The following RNASEH2B variants were observed in gnomAD, a reference collection of about 807,000 sequenced individuals.
RNASEH2B encodes the protein Aicardi-Goutieres syndrome 2 protein.
A neutral mutation model predicts 45.0 loss-of-function variants in RNASEH2B; 36 were observed. The ratio of observed to expected loss-of-function variants is 0.80; its 90% CI spans 0.61 to 1.06. The LOEUF is 1.06. Ranked by LOEUF, RNASEH2B falls within the 50% of genes least tolerant of loss-of-function variation. RNASEH2B has a pLI of 0.00. For missense variants in RNASEH2B, 361 were observed against 360.3 expected, an observed-to-expected ratio of 1.00 and a Z score of -0.02; for synonymous variants, 119 against 125.7, an observed-to-expected ratio of 0.95 and a Z score of 0.35.
At chr13:50,953,185 A>T (rs1951998311) in intron 9 of RNASEH2B, 1 of 152,214 alleles carries the variant, frequency 6.6e-6, no homozygotes, top group South Asian at 2.1e-4. Context: ...TAAGTGTGGC[A>T]TGATTTCTTC....
At position 50,956,613 on chromosome 13, in the gene RNASEH2B, G is replaced by A. The variant is rs1264830289; in HGVS notation, c.*139G>A. The A allele has an allele frequency of 2.3e-5, 33 of 1,466,416 alleles. No individual in the cohort carries two copies. The South Asian group carries it at 4.1e-4, about 18-fold the overall frequency. 90.8% of individuals were successfully genotyped at this position (1,466,416 alleles called of 1,614,324 possible). ...TCTCTTAAACATTTCTTTGCATTTG[G>A]TTTTTGTGTTCCTGAACAAAATATG... On this transcript the variant is annotated 3_prime_UTR_variant, in exon 11 of 11. Transcript: ENST00000336617.
chr13:50,921,739 A>C (rs188954441), intron 1 of RNASEH2B, among the ~76,000 whole-genome samples: 2 of 152,362 alleles, frequency 1.3e-5, no homozygotes, highest in Admixed American at 1.3e-4. Flanking sequence ...AACACTAGCA[A>C]AGATAGCAAA....
intron 10 of RNASEH2B, chr13:50,955,029 C>G (rs1253556170): frequency 4.6e-5 from 7 of 152,060 alleles, no homozygotes; most frequent in Non-Finnish European, 1.0e-4. Flanking sequence ...TGAGCTCATT[C>G]TAAATTAAGG....
chr13:50,910,400 A>G (rs1010626070), intron 1 of RNASEH2B: 2 of 347,440 alleles, frequency 5.8e-6, no homozygotes, highest in Admixed American at 4.9e-5. Flanking sequence ...GTGGAAGCCG[A>G]CTCAGCCTGA....
At position 50,939,356 on chromosome 13, in the gene RNASEH2B, C is replaced by CAAAAAAAAA. The variant is rs71190394; in HGVS notation, c.437-3961_437-3960insAAAAAAAAA. Among the ~76,000 whole-genome samples the CAAAAAAAAA allele has an allele frequency of 1.9e-3, 273 of 145,594 alleles. 3 individuals carry two copies. The highest frequency in any genetic ancestry group is 3.1e-3 in the African/African-American group (121 of 39,132). ...TGGGTGACAGAGCGAGACTCTGTTT[C>CAAAAAAAAA]AAAAGAAAAAAAAATTAGCCAGCTG... is the stretch of plus-strand genomic sequence containing the variant. On this transcript the variant is annotated intron_variant, in intron 5 of 10. Transcript: ENST00000336617.
intron 1 of RNASEH2B, among the ~76,000 whole-genome samples, chr13:50,925,602 G>T (rs1291672854): frequency 6.6e-6 from 1 of 152,164 alleles, no homozygotes. Flanking sequence ...TGAGTACTAT[G>T]CCTAAAGCTC....
intron 1 of RNASEH2B, chr13:50,921,457 G>A (rs745434346): frequency 2.0e-5 from 3 of 152,192 alleles, no homozygotes; most frequent in Non-Finnish European, 4.4e-5. Flanking sequence ...CTAGATGCAA[G>A]TAAAAGACAG....
chr13:50,913,051 A>G (rs1879515735), intron 1 of RNASEH2B: 1 of 152,218 alleles, frequency 6.6e-6, no homozygotes, highest in South Asian at 2.1e-4. Flanking sequence ...GGAACTTGGA[A>G]GAGATACTGT....
intron 9 of RNASEH2B, among the ~76,000 whole-genome samples, chr13:50,962,767 C>T (rs1952123754): frequency 6.6e-6 from 1 of 152,082 alleles, no homozygotes; most frequent in African/African-American, 2.4e-5. Context: ...TTCTTTATTA[C>T]TAGTTTTCAG....
At chr13:50,923,332 C>T (rs1951548639) in intron 1 of RNASEH2B, among the ~76,000 whole-genome samples, 1 of 152,110 alleles carries the variant, frequency 6.6e-6, no homozygotes, top group Non-Finnish European at 1.5e-5. Flanking sequence ...CTAATGAGTG[C>T]AGGAAACTCT....
rs1312559852 is a variant in RNASEH2B at position 50,930,888 on chromosome 13, A to T, written c.321+129A>T. 5 of 784,002 alleles carry T rather than the reference A, an allele frequency of 6.4e-6. No individual in the cohort carries two copies. In the Admixed American group the frequency reaches 7.3e-5, roughly 11 times the overall value. The allele number at this position is 784,002 out of a possible 1,614,324, so 48.6% of individuals were successfully genotyped here. On this transcript the variant is annotated intron_variant, in intron 4 of 10. Transcript: ENST00000336617. Reference sequence around the variant, plus strand: ...CAGATCTATTATAGTGACTAGAGAAAACATGAATCATATGGGCCAGTGCAG... The same window carrying T: ...CAGATCTATTATAGTGACTAGAGAATACATGAATCATATGGGCCAGTGCAG...
intron 9 of RNASEH2B, among the ~76,000 whole-genome samples, chr13:50,966,883 ATATCT>A (rs1335334215): frequency 2.0e-5 from 3 of 152,214 alleles, no homozygotes; most frequent in Admixed American, 1.3e-4. Flanking sequence ...CAGTGAACAA[ATATCT>A]TAATCTTTAA....
intron 7 of RNASEH2B, 53 bp from the exon 8 acceptor site, chr13:50,947,934 C>A (rs1566088203): frequency 6.2e-7 from 1 of 1,600,230 alleles, no homozygotes; most frequent in African/African-American, 1.3e-5. Flanking sequence ...TATAAAACCA[C>A]CATAATTACT....
chr13:50,970,259 T>G, exon 10 of RNASEH2B: 1 of 541,400 alleles, frequency 1.8e-6, no homozygotes, highest in Non-Finnish European at 3.2e-6. Context: ...CAGCATGTTT[T>G]AGGTATGGAT....
At chr13:50,964,968 T>C (rs1010737079) in intron 9 of RNASEH2B, among the ~76,000 whole-genome samples, 2 of 152,124 alleles carry the variant, frequency 1.3e-5, no homozygotes, top group African/African-American at 2.4e-5. Flanking sequence ...CTCAGTACTC[T>C]CCATACCATT....
chr13:50,945,369 T>C (rs1027265653), intron 6 of RNASEH2B, 58 bp from the exon 7 acceptor site: 7 of 1,221,458 alleles, frequency 5.7e-6, no homozygotes, highest in Non-Finnish European at 2.4e-6. Context: ...TATGAATTCA[T>C]AGATTTCTAA....
At chr13:50,945,397 C>A in intron 6 of RNASEH2B, 30 bp from the exon 7 acceptor site, 1 of 1,473,524 alleles carries the variant, frequency 6.8e-7, no homozygotes, top group Non-Finnish European at 9.5e-7. Context: ...TTGAAAATAC[C>A]CTGCCTTTCC....
chr13:50,933,276 G>A (rs935147979), intron 4 of RNASEH2B, among the ~76,000 whole-genome samples: 1 of 152,196 alleles, frequency 6.6e-6, no homozygotes, highest in Non-Finnish European at 1.5e-5. Context: ...TTAGGACCAT[G>A]ACTCTGGGGG....
At chr13:50,943,536 TGAG>T in intron 6 of RNASEH2B, 142 bp downstream of exon 6, 1 of 687,828 alleles carries the variant, frequency 1.5e-6, no homozygotes, top group Non-Finnish European at 2.6e-6. Flanking sequence ...ATACCAAGTA[TGAG>T]AAGAAGGCTT....
Sources: allele counts gnomAD v4.1 joint callset (sites outside exome capture counted in the v4.1 genomes callset), GRCh38; gene constraint gnomAD v4.1.1; transcripts MANE v1.5; gene names NCBI Gene and HGNC (gene_info 2026-07-23, HGNC 2026-07-21).